Variants in P2RX3 observed in about 807,000 individuals in gnomAD.
The protein encoded by P2RX3 is purinergic receptor P2X 3.
In P2RX3, 41 loss-of-function variants were observed where a neutral mutation model predicts 51.5. The ratio of observed to expected loss-of-function variants is 0.80; its 90% CI spans 0.62 to 1.03. P2RX3 has a LOEUF of 1.03. Among genes scored for constraint, P2RX3 ranks in the 50% least tolerant of loss-of-function variants. P2RX3 has a pLI of 0.00. For synonymous variants in P2RX3, 185 were observed against 191.6 expected, an observed-to-expected ratio of 0.97 and a Z score of 0.29; for missense variants, 459 against 522.1, an observed-to-expected ratio of 0.88 and a Z score of 1.18.
At position 57,370,832 on chromosome 11, in the gene P2RX3, G is replaced by A. The variant is rs1856874631; in HGVS notation, c.*835G>A. The stretch of plus-strand genomic sequence containing the variant: ...ACACATCTGGGCCCCCTCACTCTGG[G>A]GATTTGATTCCCGGACCTGGGATCC... On this transcript the variant is annotated 3_prime_UTR_variant, in exon 12 of 12. Transcript: ENST00000263314. Among the ~76,000 whole-genome samples, 1 of 152,162 alleles carries A rather than the reference G, an allele frequency of 6.6e-6. No individual in the cohort carries two copies. Among genetic ancestry groups the A allele is most frequent in the African/African-American group, 2.4e-5 (1 of 41,444 alleles).
chr11:57,366,799 ACG>A (rs1033734843), intron 8 of P2RX3, among the ~76,000 whole-genome samples: 16 of 152,208 alleles, frequency 1.1e-4, no homozygotes, highest in African/African-American at 3.6e-4. Flanking sequence ...GGGTGTGCTA[ACG>A]TGCTAGCTCA....
At chr11:57,346,931 A>G (rs76693530) in intron 2 of P2RX3, among the ~76,000 whole-genome samples, 185 bp from the exon 3 acceptor site, 97 of 152,278 alleles carry the variant, frequency 6.4e-4, no homozygotes, top group South Asian at 2.7e-3. Context: ...CACACATGGG[A>G]GAAGGGGGCC....
chr11:57,346,757 T>A (rs1228139725), intron 2 of P2RX3, 78 bp downstream of exon 2: 4 of 1,550,472 alleles, frequency 2.6e-6, no homozygotes, highest in African/African-American at 2.7e-5. Context: ...GAGCAAAGAG[T>A]GCCAATGGGA....
chr11:57,369,333 G>C (rs140252849), intron 10 of P2RX3, 28 bp from the exon 11 acceptor site: 5 of 1,603,800 alleles, frequency 3.1e-6, no homozygotes, highest in East Asian at 4.5e-5. Context: ...GGCACCCCTC[G>C]GAGCCCGCCC....
intron 8 of P2RX3, among the ~76,000 whole-genome samples, chr11:57,360,608 T>A (rs914973932): frequency 2.6e-5 from 4 of 151,338 alleles, no homozygotes; most frequent in Non-Finnish European, 5.9e-5. Flanking sequence ...CTGGCCAACA[T>A]GGTGAACCCC....
At chr11:57,343,036 C>T (rs1389601304) in intron 1 of P2RX3, among the ~76,000 whole-genome samples, 4 of 152,178 alleles carry the variant, frequency 2.6e-5, no homozygotes, top group South Asian at 2.1e-4. Flanking sequence ...TGCCAAGAAT[C>T]GAAGGCTCAG....
intron 8 of P2RX3, among the ~76,000 whole-genome samples, chr11:57,363,886 G>C (rs1184320993): frequency 1.3e-5 from 2 of 152,162 alleles, no homozygotes; most frequent in African/African-American, 4.8e-5. Flanking sequence ...TCAGAGGGTG[G>C]GTGGTTGGTG....
chr11:57,367,992 C>G lies in P2RX3; in HGVS notation c.843-17C>G, dbSNP rs190828960. 2.0e-3 allele frequency: 3,188 copies of G among 1,604,488 alleles called. 4 individuals carry two copies. Among genetic ancestry groups the G allele is most frequent in the Non-Finnish European group, 2.3e-3 (2,694 of 1,171,160 alleles). On this transcript the variant is annotated splice_polypyrimidine_tract_variant and intron_variant, in intron 8 of 11. Coordinates refer to ENST00000263314, the MANE Select transcript of P2RX3 (RefSeq NM_002559.5). ...CAGGATCCCACAGAGGGACCCATCT[C>G]TGCCTCTGACCTCCAGGTTTGCCAA...
intron 8 of P2RX3, among the ~76,000 whole-genome samples, chr11:57,362,519 G>T (rs1856736595): frequency 6.6e-6 from 1 of 152,180 alleles, no homozygotes; most frequent in East Asian, 1.9e-4. Flanking sequence ...TTCCTGTTCT[G>T]CTCCCAGCCA....
intron 8 of P2RX3, among the ~76,000 whole-genome samples, chr11:57,352,946 G>C (rs1156690112): frequency 6.6e-6 from 1 of 152,166 alleles, no homozygotes; most frequent in Non-Finnish European, 1.5e-5. Context: ...TGATTTAAAA[G>C]TTTCCAGAGG....
chr11:57,341,087 G>A (rs1856330883), intron 1 of P2RX3, among the ~76,000 whole-genome samples: 1 of 152,170 alleles, frequency 6.6e-6, no homozygotes, highest in Non-Finnish European at 1.5e-5. Context: ...CCGTGTGTCT[G>A]TGTGCACTTT....
At chr11:57,348,799 T>A in intron 6 of P2RX3, 95 bp downstream of exon 6, 1 of 865,390 alleles carries the variant, frequency 1.2e-6, no homozygotes, top group Non-Finnish European at 1.9e-6. Flanking sequence ...TCGCCACAGT[T>A]CTTCCCACTT....
rs2134421033 is a variant in P2RX3, at chr11:57,349,855, T to C, written c.662T>C (p.Val221Ala). 2 of 1,614,222 alleles carry C rather than the reference T, an allele frequency of 1.2e-6. No individual in the cohort carries two copies. Among genetic ancestry groups the C allele is most frequent in the Non-Finnish European group, 1.7e-6 (2 of 1,180,030 alleles). Residue 221 changes from valine (V) to alanine (A), a missense_variant, in exon 7 of 12, where the codon GTG (valine) becomes GCG (alanine). Transcript: ENST00000263314. Reference sequence around the variant, plus strand: ...TGCCCCATCTTGCGGGTAGGGGACGTGGTCAAGTTTGCGGGGCAGGATTTT... The same window carrying C: ...TGCCCCATCTTGCGGGTAGGGGACGCGGTCAAGTTTGCGGGGCAGGATTTT... ...PFCPILRVGD[V>A]VKFAGQDFAK...
intron 3 of P2RX3, 99 bp from the exon 4 acceptor site, chr11:57,347,316 C>T: frequency 1.4e-6 from 2 of 1,480,818 alleles, no homozygotes; most frequent in Non-Finnish European, 1.9e-6. Flanking sequence ...GGGACCTCCA[C>T]CCTCCTGAGG....
chr11:57,358,956 C>G (rs1013776277), intron 8 of P2RX3, among the ~76,000 whole-genome samples: 1 of 152,246 alleles, frequency 6.6e-6, no homozygotes, highest in African/African-American at 2.4e-5. Flanking sequence ...CGATTGAGTC[C>G]TGTGTTAGAG....
chr11:57,367,676 G>A (rs946590295), intron 8 of P2RX3, among the ~76,000 whole-genome samples: 4 of 152,104 alleles, frequency 2.6e-5, no homozygotes, highest in African/African-American at 9.7e-5. Context: ...AGCCAAGATC[G>A]CACCACTGCA....
chr11:57,366,153 C>A (rs146732480), intron 8 of P2RX3, among the ~76,000 whole-genome samples: 8 of 152,224 alleles, frequency 5.3e-5, no homozygotes, highest in African/African-American at 9.6e-5. Context: ...GGACAGTAGC[C>A]CAAAGAGATG....
chr11:57,348,032 G>C (rs1856473199), intron 4 of P2RX3, 138 bp from the exon 5 acceptor site: 1 of 730,232 alleles, frequency 1.4e-6, no homozygotes, highest in South Asian at 1.9e-5. Flanking sequence ...CAGCAGGAGA[G>C]AAGTCAGCTC....
At chr11:57,346,145 A>G (rs896567974) in intron 1 of P2RX3, among the ~76,000 whole-genome samples, 1 of 152,210 alleles carries the variant, frequency 6.6e-6, no homozygotes, top group Non-Finnish European at 1.5e-5. Context: ...AGTGGCCCCC[A>G]TCAGCAGCAT....
Sources: allele counts gnomAD v4.1 joint callset (sites outside exome capture counted in the v4.1 genomes callset), GRCh38; gene constraint gnomAD v4.1.1; transcripts MANE v1.5; gene names NCBI Gene and HGNC (gene_info 2026-07-23, HGNC 2026-07-21).